RNF24: variants seen among roughly 807,000 people sequenced by gnomAD.
The protein encoded by RNF24 is ring finger protein 24.
Under a neutral mutation model 20.0 loss-of-function variants are expected in RNF24, and 14 were observed. The ratio of observed to expected loss-of-function variants is 0.70; its 90% CI spans 0.46 to 1.10. The LOEUF (loss-of-function observed/expected upper bound fraction) is 1.10. Among genes scored for constraint, RNF24 ranks in the 50% least tolerant of loss-of-function variants. RNF24 has a pLI of 0.00. For synonymous variants in RNF24, 45 were observed against 61.1 expected, an observed-to-expected ratio of 0.74 and a Z score of 1.23; for missense variants, 124 against 177.6, an observed-to-expected ratio of 0.70 and a Z score of 1.71.
chr20:3,974,277 C>T (rs892562407), intron 1 of RNF24: 9 of 1,530,508 alleles, frequency 5.9e-6, no homozygotes, highest in Admixed American at 2.0e-5. Context: ...CAAACAATAA[C>T]AACAAAAACT....
intron 1 of RNF24, among the ~76,000 whole-genome samples, chr20:4,004,023 C>T (rs1163627894): frequency 6.6e-6 from 1 of 152,152 alleles, no homozygotes; most frequent in East Asian, 1.9e-4. Context: ...ACACTAAAGG[C>T]CTCCCATGAA....
intron 1 of RNF24, among the ~76,000 whole-genome samples, chr20:3,987,467 C>T (rs936904629): frequency 3.3e-5 from 5 of 152,128 alleles, no homozygotes; most frequent in African/African-American, 1.2e-4. Context: ...CTCATTTTGG[C>T]ACTCAAAACT....
intron 2 of RNF24, 136 bp from the exon 3 acceptor site, chr20:3,948,415 A>T: frequency 1.7e-6 from 1 of 601,354 alleles, no homozygotes; most frequent in South Asian, 2.2e-5. Flanking sequence ...CTTTACCCTG[A>T]AATACACCCA....
chr20:4,012,250 T>G lies in RNF24; in HGVS notation c.-8+3187A>C, dbSNP rs538856847. Reference sequence around the variant, plus strand: ...CAACATGGCAAAACTCCGTCTCTACTAAAAATACAAAAAAAAATTAGCCAG... The same window carrying G: ...CAACATGGCAAAACTCCGTCTCTACGAAAAATACAAAAAAAAATTAGCCAG... On this transcript the variant is annotated intron_variant, in intron 1 of 5. Coordinates refer to ENST00000358395, the MANE Select transcript of RNF24 (RefSeq NM_001134337.3). 3.8e-4 allele frequency among the ~76,000 whole-genome samples: 58 copies of G among 151,924 alleles called. 2 individuals carry two copies. The East Asian group carries it at 0.011, about 29-fold the overall frequency.
chr20:3,946,941 C>T (rs1269535650), intron 3 of RNF24, among the ~76,000 whole-genome samples: 2 of 152,104 alleles, frequency 1.3e-5, no homozygotes, highest in Non-Finnish European at 2.9e-5. Context: ...ACCTGTAATC[C>T]TGGCACTTTG....
chr20:3,974,228 TA>T, intron 1 of RNF24: 1 of 1,183,278 alleles, frequency 8.5e-7, no homozygotes, highest in Non-Finnish European at 1.2e-6. Flanking sequence ...TTCAACATGT[TA>T]AAAAGCATCT....
At chr20:3,961,798 G>A (rs2091204865) in intron 2 of RNF24, among the ~76,000 whole-genome samples, 1 of 150,640 alleles carries the variant, frequency 6.6e-6, no homozygotes. Flanking sequence ...AACATTCGTA[G>A]AGGAATTATC....
At chr20:3,952,581 C>CTT in intron 2 of RNF24, among the ~76,000 whole-genome samples, 1 of 131,492 alleles carries the variant, frequency 7.6e-6, no homozygotes, top group African/African-American at 3.1e-5. Flanking sequence ...TCTTTTTTCC[C>CTT]GTTTTTTTTT....
chr20:3,969,532 C>T (rs979461510), intron 1 of RNF24, among the ~76,000 whole-genome samples: 4 of 148,014 alleles, frequency 2.7e-5, no homozygotes, highest in South Asian at 4.2e-4. Flanking sequence ...CCCTAATGAA[C>T]GTGTTCTCTC....
At chr20:3,982,546 T>C (rs113812453) in intron 1 of RNF24, among the ~76,000 whole-genome samples, 17,030 of 144,540 alleles carry the variant, frequency 0.12, 1,331 homozygotes, top group Non-Finnish European at 0.17. Flanking sequence ...CATTTTGCAC[T>C]CTAGCCTAGG....
intron 1 of RNF24, among the ~76,000 whole-genome samples, chr20:3,991,714 A>G (rs1346783385): frequency 1.3e-5 from 2 of 152,198 alleles, no homozygotes; most frequent in Middle Eastern, 3.2e-3. Flanking sequence ...ATACTTCACA[A>G]ATATCCTATA....
At chr20:3,938,903 G>A (rs974942545) in intron 4 of RNF24, among the ~76,000 whole-genome samples, 2 of 151,834 alleles carry the variant, frequency 1.3e-5, no homozygotes, top group South Asian at 2.1e-4. Flanking sequence ...CACACATCAC[G>A]ACACCCAACT....
chr20:3,983,450 G>A (rs1318041861), intron 1 of RNF24, among the ~76,000 whole-genome samples: 1 of 151,714 alleles, frequency 6.6e-6, no homozygotes, highest in African/African-American at 2.4e-5. Context: ...TTATTTTGCA[G>A]CCTAACCTAG....
Position 3,930,185 on chromosome 20 carries a change from A to T in RNF24, c.*3878T>A, listed in dbSNP as rs1041813758. ...CTTTTAACTACTTTATGATTTGTGA[A>T]CCACATGAATGGATTACCTATTCAA... is the stretch of plus-strand genomic sequence containing the variant. On this transcript the variant is annotated 3_prime_UTR_variant, in exon 6 of 6. Coordinates refer to ENST00000358395, the MANE Select transcript of RNF24 (RefSeq NM_001134337.3). The T allele has an allele frequency of 2.6e-5, 4 of 152,256 alleles. No homozygotes were observed. Among genetic ancestry groups the T allele is most frequent in the African/African-American group, 9.6e-5 (4 of 41,468 alleles). 9.4% of individuals were successfully genotyped at this position (152,256 alleles called of 1,614,324 possible). A position where few individuals can be genotyped will look rare whatever the true frequency, so the allele number is the denominator to read the frequency against.
intron 1 of RNF24, among the ~76,000 whole-genome samples, chr20:3,971,993 G>C (rs968453457): frequency 2.0e-5 from 3 of 152,054 alleles, no homozygotes; most frequent in Admixed American, 6.6e-5. Context: ...AAAGAAAGCA[G>C]GAGTGGCTAT....
At chr20:4,014,467 A>G (rs760670302) in intron 1 of RNF24, among the ~76,000 whole-genome samples, 6 of 152,196 alleles carry the variant, frequency 3.9e-5, no homozygotes, top group Non-Finnish European at 5.9e-5. Flanking sequence ...TGTACGGTGG[A>G]GTATTCCTAT....
In RNF24 at chr20:3,930,025, A is replaced by G. The variant is rs1271948066; in HGVS notation, c.*4038T>C. The G allele has an allele frequency of 1.3e-5, 2 of 152,226 alleles. No homozygotes were observed. Among genetic ancestry groups the G allele is most frequent in the Non-Finnish European group, 2.9e-5 (2 of 68,038 alleles). 9.4% of individuals were successfully genotyped at this position (152,226 alleles called of 1,614,324 possible). A position where few individuals can be genotyped will look rare whatever the true frequency, so the allele number is the denominator to read the frequency against. On this transcript the variant is annotated 3_prime_UTR_variant, in exon 6 of 6. Coordinates refer to ENST00000358395, the MANE Select transcript of RNF24 (RefSeq NM_001134337.3). ...GTATCACATGAGTAGAAAAGGAGAA[A>G]AATTATATAGACACACATACACATG...
At position 3,933,403 on chromosome 20, in the gene RNF24, G is replaced by C. The variant is rs1392983611; in HGVS notation, c.*660C>G. 3 of 390,128 alleles carry C rather than the reference G, an allele frequency of 7.7e-6. No individual in the cohort carries two copies. The highest frequency in any genetic ancestry group is 1.4e-5 in the Non-Finnish European group (3 of 221,306). The allele number at this position is 390,128 out of a possible 1,614,324, so 24.2% of individuals were successfully genotyped here. On this transcript the variant is annotated 3_prime_UTR_variant, in exon 6 of 6. Transcript: ENST00000358395. The stretch of plus-strand genomic sequence containing the variant: ...ACGGGCCTTACTGGTGCATAGGAGA[G>C]GGAAATGATAAGAGGAAATGGCTTC...
intron 2 of RNF24, among the ~76,000 whole-genome samples, chr20:3,957,962 C>T (rs779625309): frequency 6.6e-6 from 1 of 152,174 alleles, no homozygotes; most frequent in East Asian, 1.9e-4. Flanking sequence ...TGCTCAGTAT[C>T]CTAAGCTTTC....
Sources: gnomAD v4.1 joint callset for allele counts (sites outside exome capture counted in the v4.1 genomes callset) on GRCh38, gnomAD v4.1.1 for gene constraint, MANE v1.5 for transcripts, NCBI Gene and HGNC (gene_info 2026-07-23, HGNC 2026-07-21) for gene names.